Variants in KCTD1 observed in about 807,000 individuals in gnomAD.
KCTD1 encodes the protein BTB/POZ domain-containing protein KCTD1.
KCTD1 carries 24 observed loss-of-function variants against 66.0 expected under a neutral mutation model. The ratio of observed to expected loss-of-function variants is 0.36; its 90% CI spans 0.26 to 0.51. The LOEUF (loss-of-function observed/expected upper bound fraction) is 0.51. Ranked by LOEUF, KCTD1 falls within the 20% of genes least tolerant of loss-of-function variation. The pLI is 0.95. For synonymous variants in KCTD1, 511 were observed against 517.2 expected (o/e 0.99, Z 0.16); for missense variants, 943 against 1,205.2 (o/e 0.78, Z 3.22).
At chr18:26,478,660 G>T (rs1368477571) in intron 2 of KCTD1, among the ~76,000 whole-genome samples, 2 of 152,224 alleles carry the variant, frequency 1.3e-5, no homozygotes, top group Non-Finnish European at 2.9e-5. Flanking sequence ...CCTATACGGG[G>T]TGAATGTGTA....
intron 1 of KCTD1, among the ~76,000 whole-genome samples, chr18:26,654,571 T>C (rs1988093732): frequency 6.6e-6 from 1 of 152,234 alleles, no homozygotes. Flanking sequence ...GAGAACTTTA[T>C]ATATTGTGCT....
chr18:26,645,424 ACAGGGTCT>A (rs1293694812), intron 1 of KCTD1, among the ~76,000 whole-genome samples: 6 of 152,078 alleles, frequency 3.9e-5, no homozygotes, highest in African/African-American at 1.4e-4. Context: ...TCTCTTTGAG[ACAGGGTCT>A]CGCTCTGTCA....
At position 26,476,451 on chromosome 18, in the gene KCTD1, T is replaced by A; in HGVS notation, c.2133+64A>T. 1 of 1,478,910 alleles carries A rather than the reference T, an allele frequency of 6.8e-7. No individual in the cohort carries two copies. The highest frequency in any genetic ancestry group is 9.2e-7 in the Non-Finnish European group (1 of 1,091,554). 91.6% of individuals were successfully genotyped at this position (1,478,910 alleles called of 1,614,324 possible). ...GTTAATAATGTAGAACTAGAAATAT[T>A]TTTTTGGAGCACATAAAAAAATCAC... is the stretch of plus-strand genomic sequence containing the variant. On this transcript the variant is annotated intron_variant, in intron 3 of 4. Coordinates refer to ENST00000580059, the MANE Select transcript of KCTD1 (RefSeq NM_001142730.3). The surrounding 1 kb of genome is among the most constrained non-coding windows in gnomAD (Gnocchi z 4.9).
intron 1 of KCTD1, among the ~76,000 whole-genome samples, chr18:26,525,725 C>T (rs1289038414): frequency 1.3e-5 from 2 of 152,170 alleles, no homozygotes; most frequent in Admixed American, 1.3e-4. Context: ...CCCTGCCTGG[C>T]TTCCTTCCTT....
At chr18:26,557,053 C>G (rs983883165) in intron 1 of KCTD1, among the ~76,000 whole-genome samples, 1 of 152,166 alleles carries the variant, frequency 6.6e-6, no homozygotes, top group African/African-American at 2.4e-5. Flanking sequence ...CTCCCTGACT[C>G]CAGGGAGGGG....
At chr18:26,563,278 T>G (rs1323137565) in intron 1 of KCTD1, among the ~76,000 whole-genome samples, 1 of 152,172 alleles carries the variant, frequency 6.6e-6, no homozygotes, top group African/African-American at 2.4e-5. Context: ...CCCTGGTCCT[T>G]TGTATCCTTT....
rs1277485935 is a variant in KCTD1 at position 26,547,481 on chromosome 18, C to T, written c.1056G>A (p.Gly352=). 1 of 1,551,440 alleles carries T rather than the reference C, an allele frequency of 6.4e-7. No individual in the cohort carries two copies. Among genetic ancestry groups the T allele is most frequent in the Non-Finnish European group, 8.7e-7 (1 of 1,147,010 alleles). ...GRKFVYFKSL[G]PYHKSRSSSW... is the part of the protein sequence containing the mutation. Reference sequence around the variant, plus strand: ...ACGACGAGCGCGACTTGTGGTAGGGCCCGAGGGACTTGAAGTAGACGAACT... The same window carrying T: ...ACGACGAGCGCGACTTGTGGTAGGGTCCGAGGGACTTGAAGTAGACGAACT... The change falls in exon 1 of 5, where the codon GGG becomes GGA. Residue 352 remains glycine, a synonymous_variant. Coordinates refer to ENST00000580059, the MANE Select transcript of KCTD1 (RefSeq NM_001142730.3).
upstream of KCTD1, chr18:26,548,937 C>T (rs1985421331): frequency 4.1e-6 from 4 of 987,360 alleles, no homozygotes; most frequent in African/African-American, 1.7e-5. Flanking sequence ...GAGGGAGGGC[C>T]GGCGAGAGGG....
At chr18:26,463,369 T>C (rs938775308) in intron 3 of KCTD1, among the ~76,000 whole-genome samples, 1 of 151,748 alleles carries the variant, frequency 6.6e-6, no homozygotes, top group Non-Finnish European at 1.5e-5. Flanking sequence ...GTGAGCTATG[T>C]TTGCATCACT....
chr18:26,508,709 TTC>T (rs201752316), intron 1 of KCTD1, among the ~76,000 whole-genome samples: 10 of 72,976 alleles, frequency 1.4e-4, no homozygotes, highest in East Asian at 2.9e-4. Context: ...TTAAATATAT[TTC>T]TCTCTCTCTC....
At chr18:26,584,324 A>G (rs1986424124) in intron 1 of KCTD1, among the ~76,000 whole-genome samples, 1 of 152,192 alleles carries the variant, frequency 6.6e-6, no homozygotes, top group South Asian at 2.1e-4. Flanking sequence ...TAAAAGGTAA[A>G]ATATCTCACT....
chr18:26,581,717 C>A (rs907068373), intron 1 of KCTD1: 81 of 152,098 alleles, frequency 5.3e-4, no homozygotes, highest in African/African-American at 1.9e-3. Context: ...TCAAGGCCAG[C>A]AAGACCTCAT....
At chr18:26,511,529 G>T (rs1478837653) in intron 1 of KCTD1, among the ~76,000 whole-genome samples, 1 of 152,236 alleles carries the variant, frequency 6.6e-6, no homozygotes, top group Non-Finnish European at 1.5e-5. Flanking sequence ...CAACAGCAAA[G>T]GTTGGCAATG....
At chr18:26,582,773 T>A (rs1986384241) in intron 1 of KCTD1, among the ~76,000 whole-genome samples, 1 of 151,820 alleles carries the variant, frequency 6.6e-6, no homozygotes. Flanking sequence ...TATGAAAAAG[T>A]AGAATGAGCA....
At chr18:26,519,110 A>G (rs1024268760) in intron 1 of KCTD1, among the ~76,000 whole-genome samples, 1 of 152,226 alleles carries the variant, frequency 6.6e-6, no homozygotes, top group South Asian at 2.1e-4. Flanking sequence ...TACAAATTCT[A>G]TCTCAATTAA....
At chr18:26,598,665 T>C (rs928109066) in intron 1 of KCTD1, among the ~76,000 whole-genome samples, 1 of 152,202 alleles carries the variant, frequency 6.6e-6, no homozygotes, top group African/African-American at 2.4e-5. Flanking sequence ...CTTGTTATTG[T>C]CTGTGTTTTA....
intron 1 of KCTD1, among the ~76,000 whole-genome samples, chr18:26,619,267 G>A (rs946908597): frequency 1.3e-5 from 2 of 152,180 alleles, no homozygotes; most frequent in African/African-American, 2.4e-5. Context: ...TGTCTTAAAT[G>A]ATGATCTCAA....
chr18:26,469,343 G>T (rs116398269), intron 3 of KCTD1, among the ~76,000 whole-genome samples: 2 of 152,240 alleles, frequency 1.3e-5, no homozygotes, highest in Non-Finnish European at 2.9e-5. Context: ...GTGGGTGGGT[G>T]AGTCCTTAAG....
chr18:26,610,200 T>C (rs1157867950), intron 1 of KCTD1, among the ~76,000 whole-genome samples: 2 of 152,202 alleles, frequency 1.3e-5, no homozygotes, highest in African/African-American at 4.8e-5. Context: ...TTGAGTTACT[T>C]TCTGTATATA....
Sources: allele counts gnomAD v4.1 joint callset (sites outside exome capture counted in the v4.1 genomes callset), GRCh38; gene constraint gnomAD v4.1.1; non-coding constraint Gnocchi (gnomAD v3.1); transcripts MANE v1.5; gene names NCBI Gene and HGNC (gene_info 2026-07-23, HGNC 2026-07-21).